ITGAM: variants seen among roughly 807,000 people sequenced by gnomAD.
ITGAM encodes the protein integrin alpha-M.
In ITGAM, 79 loss-of-function variants were observed where a neutral mutation model predicts 137.5. The observed-to-expected ratio is 0.57, with a 90% confidence interval of 0.48 to 0.69. The LOEUF is 0.69. ITGAM is among the 30% of genes least tolerant of loss of function. The probability of loss-of-function intolerance (pLI) is 0.00; values close to 1 mark genes in which losing one functional copy is unlikely to be tolerated. For missense variants in ITGAM, 1,343 were observed against 1,483.5 expected (o/e 0.91, Z 1.56); for synonymous variants, 583 against 592.3 (o/e 0.98, Z 0.23).
intron 1 of ITGAM, among the ~76,000 whole-genome samples, chr16:31,261,447 A>T (rs1417498803): frequency 2.0e-5 from 3 of 151,544 alleles, no homozygotes; most frequent in African/African-American, 7.3e-5. Context: ...CTCTTAAATT[A>T]TTGGGATAAC....
chr16:31,266,794 T>G (rs2079773542), intron 5 of ITGAM, among the ~76,000 whole-genome samples: 1 of 151,664 alleles, frequency 6.6e-6, no homozygotes, highest in Non-Finnish European at 1.5e-5. Flanking sequence ...GGGACCATCC[T>G]GGGGGGCGGC....
Position 31,271,837 on chromosome 16 carries a change from C to T in ITGAM, c.559-10C>T. ...CTTCTCCAGCATCACACCAGCCGCC[C>T]CCTCCGCAGTTCTCTTTGATGCAGT... On this transcript the variant is annotated splice_polypyrimidine_tract_variant and intron_variant, in intron 6 of 29. Transcript: ENST00000544665. 1 of 1,613,906 alleles carries T rather than the reference C, an allele frequency of 6.2e-7. No individual in the cohort carries two copies. The highest frequency in any genetic ancestry group is 8.5e-7 in the Non-Finnish European group (1 of 1,179,844).
intron 11 of ITGAM, 105 bp downstream of exon 11, chr16:31,277,154 G>T (rs999536113): frequency 1.0e-6 from 1 of 968,988 alleles, no homozygotes; most frequent in Non-Finnish European, 1.5e-6. Context: ...ATATGTATGG[G>T]ATACTAGCTA....
chr16:31,329,982 G>A (rs1204237130), intron 25 of ITGAM, 77 bp downstream of exon 25: 2 of 1,531,400 alleles, frequency 1.3e-6, no homozygotes, highest in Non-Finnish European at 1.8e-6. Context: ...GGGTTTTAGA[G>A]CCGCTCCGCC....
At position 31,330,154 on chromosome 16, in the gene ITGAM, C is replaced by A. The variant is rs768713771; in HGVS notation, c.3050C>A (p.Ala1017Asp). ...HSDFLAELRK[A>D]PVVNCSIAVC... is the part of the protein sequence containing the mutation. Reference sequence around the variant, plus strand: ...GACTTTCTGGCTGAGCTTCGGAAGGCCCCCGTGGTGGTGAGAAGCTAAGTC... The same window carrying A: ...GACTTTCTGGCTGAGCTTCGGAAGGACCCCGTGGTGGTGAGAAGCTAAGTC... The change falls in exon 26 of 30, where the codon GCC (alanine) becomes GAC (aspartate). Residue 1017 changes from alanine to aspartate, a missense_variant. Physicochemically the swap from Ala to Asp is moderately radical, Grantham distance 126. Coordinates refer to ENST00000544665, the MANE Select transcript of ITGAM (RefSeq NM_000632.4). 1 of 1,613,226 alleles carries A rather than the reference C, an allele frequency of 6.2e-7. No individual in the cohort carries two copies. The highest frequency in any genetic ancestry group is 1.3e-5 in the African/African-American group (1 of 75,024).
intron 5 of ITGAM, among the ~76,000 whole-genome samples, chr16:31,270,700 T>TGTATAC (rs34727729): frequency 1.1e-4 from 1 of 8,824 alleles, no homozygotes; most frequent in African/African-American, 5.0e-4. Context: ...TGTGTGTGTG[T>TGTATAC]ATATATATAT....
At position 31,275,713 on chromosome 16, in the gene ITGAM, C is replaced by G. The variant is rs765749342; in HGVS notation, c.1009+14C>G. 1 of 1,613,408 alleles carries G rather than the reference C, an allele frequency of 6.2e-7. No homozygotes were observed. Reference sequence around the variant, plus strand: ...TTGCGATCGAGGGTGAGTCAGGCATCTGTGTTCCCAGAGCAGCTCCAGAGG... The same window carrying G: ...TTGCGATCGAGGGTGAGTCAGGCATGTGTGTTCCCAGAGCAGCTCCAGAGG... On this transcript the variant is annotated intron_variant, in intron 9 of 29. Coordinates refer to ENST00000544665, the MANE Select transcript of ITGAM (RefSeq NM_000632.4).
At chr16:31,261,999 T>C (rs2079704847) in intron 2 of ITGAM, among the ~76,000 whole-genome samples, 1 of 152,182 alleles carries the variant, frequency 6.6e-6, no homozygotes, top group Non-Finnish European at 1.5e-5. Context: ...CCTTACTCCC[T>C]TCCCCTAGTT....
intron 14 of ITGAM, among the ~76,000 whole-genome samples, chr16:31,319,712 G>T (rs2080428086): frequency 6.6e-6 from 1 of 152,060 alleles, no homozygotes; most frequent in Non-Finnish European, 1.5e-5. Context: ...TTTTCTGTTA[G>T]TCATGTAGGT....
chr16:31,279,688 G>T (rs954723802), intron 12 of ITGAM, among the ~76,000 whole-genome samples: 76 of 152,120 alleles, frequency 5.0e-4, no homozygotes, highest in Non-Finnish European at 8.7e-4. Flanking sequence ...TTCTGTAGGT[G>T]GCCTGTTCAC....
In ITGAM at chr16:31,324,504, A is replaced by G. The variant is rs556942896; in HGVS notation, c.2108A>G (p.Gln703Arg). 3.1e-6 allele frequency: 5 copies of G among 1,603,100 alleles called. No individual in the cohort carries two copies. The East Asian group carries it at 1.1e-4, about 36-fold the overall frequency. The stretch of plus-strand genomic sequence containing the variant: ...AAGAACAGCACACGCAGACAGACAC[A>G]GGTCTTGGGGCTGACCCAGACTTGT... ...ETKNSTRRQT[Q>R]VLGLTQTCET... Residue 703 changes from glutamine (Q) to arginine (R), a missense_variant, in exon 17 of 30, where the codon CAG becomes CGG. Transcript: ENST00000544665. This position sits in a 1 kb window ranked among gnomAD's most constrained non-coding sequence, Gnocchi z 4.5.
At chr16:31,262,348 C>A in intron 2 of ITGAM, among the ~76,000 whole-genome samples, 1 of 77,888 alleles carries the variant, frequency 1.3e-5, no homozygotes, top group Non-Finnish European at 2.8e-5. Context: ...TCCTTCCTTC[C>A]TTCCTTCCTT....
At chr16:31,313,470 T>C (rs2080357429) in intron 14 of ITGAM, among the ~76,000 whole-genome samples, 1 of 151,520 alleles carries the variant, frequency 6.6e-6, no homozygotes, top group Admixed American at 6.6e-5. Flanking sequence ...TGAGTGAGAG[T>C]ATGTGGTGTT....
At chr16:31,298,036 G>A in intron 14 of ITGAM, 82 bp downstream of exon 14, 1 of 1,171,804 alleles carries the variant, frequency 8.5e-7, no homozygotes, top group South Asian at 1.3e-5. Flanking sequence ...ACAGCTGCCA[G>A]ATAAGTTCTC....
At chr16:31,286,693 G>A (rs376294889) in intron 12 of ITGAM, among the ~76,000 whole-genome samples, 11 of 152,214 alleles carry the variant, frequency 7.2e-5, no homozygotes, top group African/African-American at 2.6e-4. Context: ...TTTTAATGGG[G>A]TTATTTGTTT....
intron 12 of ITGAM, among the ~76,000 whole-genome samples, chr16:31,290,519 A>G (rs2080076637): frequency 6.6e-6 from 1 of 152,218 alleles, no homozygotes; most frequent in African/African-American, 2.4e-5. Context: ...CTCTAATTTG[A>G]CAACATACAA....
chr16:31,302,696 G>A (rs1181214505), intron 14 of ITGAM, among the ~76,000 whole-genome samples: 3 of 150,124 alleles, frequency 2.0e-5, no homozygotes, highest in Admixed American at 2.0e-4. Flanking sequence ...CACTACGCCT[G>A]GCTAATATTT....
intron 14 of ITGAM, among the ~76,000 whole-genome samples, chr16:31,316,737 A>G (rs1232634307): frequency 6.6e-6 from 1 of 152,226 alleles, no homozygotes; most frequent in Non-Finnish European, 1.5e-5. Context: ...CTTTCAATCC[A>G]TAATATGGGA....
At chr16:31,309,890 T>G (rs1301818405) in intron 14 of ITGAM, among the ~76,000 whole-genome samples, 1 of 152,128 alleles carries the variant, frequency 6.6e-6, no homozygotes, top group Non-Finnish European at 1.5e-5. Flanking sequence ...TGTAAAGTAT[T>G]TTATTTCTTC....
Sources: allele counts gnomAD v4.1 joint callset (sites outside exome capture counted in the v4.1 genomes callset), GRCh38; gene constraint gnomAD v4.1.1; non-coding constraint Gnocchi (gnomAD v3.1); transcripts MANE v1.5; gene names NCBI Gene and HGNC (gene_info 2026-07-23, HGNC 2026-07-21).